METTL15: variants seen among roughly 807,000 people sequenced by gnomAD.
METTL15 encodes the protein methyltransferase 15, mitochondrial 12S rRNA N4-cytidine.
In METTL15, 34 loss-of-function variants were observed where a neutral mutation model predicts 38.3. The observed-to-expected ratio is 0.89, with a 90% CI of 0.68 to 1.18. The LOEUF is 1.18. Ranked by LOEUF, METTL15 falls within the 50% of genes most tolerant of loss-of-function variation. METTL15 has a pLI of 0.00. For synonymous variants in METTL15, 162 were observed against 170.9 expected (o/e 0.95, Z 0.41); for missense variants, 438 against 498.4 (o/e 0.88, Z 1.15).
intron 4 of METTL15, among the ~76,000 whole-genome samples, chr11:28,287,960 C>A (rs1469155658): frequency 6.6e-6 from 1 of 152,082 alleles, no homozygotes; most frequent in Non-Finnish European, 1.5e-5. Context: ...TGTGACCCTG[C>A]ATGGCAAGTA....
chr11:28,496,337 G>A (rs1367555299), intron 6 of METTL15, among the ~76,000 whole-genome samples: 1 of 152,126 alleles, frequency 6.6e-6, no homozygotes, highest in Non-Finnish European at 1.5e-5. Context: ...ACAGTATGTG[G>A]GAACCACCCC....
chr11:28,382,205 A>G (rs1330639294), intron 5 of METTL15, among the ~76,000 whole-genome samples: 1 of 152,194 alleles, frequency 6.6e-6, no homozygotes, highest in Non-Finnish European at 1.5e-5. Flanking sequence ...CTGAGGGAAC[A>G]TGTCGAGCAA....
At chr11:28,182,958 G>A (rs566001132) in intron 3 of METTL15, among the ~76,000 whole-genome samples, 1 of 151,796 alleles carries the variant, frequency 6.6e-6, no homozygotes, top group Admixed American at 6.6e-5. Context: ...TTTCTCCTTG[G>A]AAGAGGTGCT....
intron 3 of METTL15, among the ~76,000 whole-genome samples, chr11:28,147,914 CTCTA>C (rs1361529923): frequency 6.6e-6 from 1 of 151,758 alleles, no homozygotes; most frequent in Non-Finnish European, 1.5e-5. Context: ...GAGTTTAATG[CTCTA>C]TCTAACTTTG....
At chr11:28,393,740 C>T (rs2133396310) in intron 5 of METTL15, among the ~76,000 whole-genome samples, 1 of 152,196 alleles carries the variant, frequency 6.6e-6, no homozygotes, top group East Asian at 1.9e-4. Flanking sequence ...ATTACTTCTT[C>T]AGTACTCTTT....
At chr11:28,428,276 A>G (rs1476316069) in intron 6 of METTL15, among the ~76,000 whole-genome samples, 1 of 152,196 alleles carries the variant, frequency 6.6e-6, no homozygotes, top group Non-Finnish European at 1.5e-5. Context: ...TTATAACACA[A>G]TGGTAAGTAT....
intron 3 of METTL15, among the ~76,000 whole-genome samples, chr11:28,124,183 A>G (rs939248738): frequency 1.3e-5 from 2 of 152,154 alleles, no homozygotes; most frequent in African/African-American, 4.8e-5. Flanking sequence ...CAGGTTATAC[A>G]GTATGCTTTT....
chr11:28,316,985 A>C (rs147211150), intron 6 of METTL15, among the ~76,000 whole-genome samples: 67 of 152,342 alleles, frequency 4.4e-4, no homozygotes, highest in African/African-American at 1.5e-3. Flanking sequence ...AAATGGACTA[A>C]TACAGTAGTA....
intron 4 of METTL15, among the ~76,000 whole-genome samples, chr11:28,232,213 C>A (rs1025075472): frequency 2.8e-4 from 43 of 151,926 alleles, no homozygotes; most frequent in African/African-American, 9.9e-4. Context: ...AAGTGATAAA[C>A]CCTGATTAGA....
chr11:28,311,227 CAGTG>C (rs935525888), intron 6 of METTL15, among the ~76,000 whole-genome samples: 1 of 151,932 alleles, frequency 6.6e-6, no homozygotes, highest in African/African-American at 2.4e-5. Flanking sequence ...TTCTCTTTCT[CAGTG>C]AGAGAAACAG....
At chr11:28,171,971 A>AT (rs998172961) in intron 3 of METTL15, among the ~76,000 whole-genome samples, 63 of 149,762 alleles carry the variant, frequency 4.2e-4, no homozygotes, top group Middle Eastern at 3.4e-3. Context: ...GTCTTGAAAA[A>AT]TTTTTTTTTT....
intron 2 of METTL15, 39 bp from the exon 3 acceptor site, chr11:28,113,279 A>T: frequency 2.2e-6 from 3 of 1,353,388 alleles, no homozygotes; most frequent in Non-Finnish European, 3.0e-6. Flanking sequence ...ACATTCTTTT[A>T]AAAAAATCCA....
At chr11:28,135,840 A>G (rs1267816516) in intron 3 of METTL15, among the ~76,000 whole-genome samples, 1 of 152,226 alleles carries the variant, frequency 6.6e-6, no homozygotes, top group Non-Finnish European at 1.5e-5. Context: ...CCTTGACTCT[A>G]AAAACAAAAC....
rs561280283 is a variant in METTL15, at chr11:28,408,827, G to T, written c.*359-15472G>T. Among the ~76,000 whole-genome samples, 8 of 152,178 alleles carry T rather than the reference G, an allele frequency of 5.3e-5. No individual in the cohort carries two copies. In the South Asian group the frequency reaches 1.7e-3, roughly 32 times the overall value. On this transcript the variant is annotated intron_variant and NMD_transcript_variant, in intron 5 of 7. Transcript: ENST00000532947. Reference sequence around the variant, plus strand: ...GAAGTAAATACCTTAAATTGATCAGGTATGTATCTCTGAGCAAACTAAGTT... The same window carrying T: ...GAAGTAAATACCTTAAATTGATCAGTTATGTATCTCTGAGCAAACTAAGTT...
chr11:28,453,648 A>T (rs1564935590), intron 6 of METTL15, among the ~76,000 whole-genome samples: 1 of 152,208 alleles, frequency 6.6e-6, no homozygotes, highest in Non-Finnish European at 1.5e-5. Flanking sequence ...ATCACTTCTA[A>T]CTACGTAATC....
chr11:28,323,566 G>C (rs928092359), intron 6 of METTL15, among the ~76,000 whole-genome samples: 6 of 152,130 alleles, frequency 3.9e-5, no homozygotes, highest in African/African-American at 1.4e-4. Flanking sequence ...AAAGGACTTA[G>C]GCAGGACCAT....
chr11:28,226,761 A>G (rs1344637070), intron 4 of METTL15, among the ~76,000 whole-genome samples: 2 of 151,950 alleles, frequency 1.3e-5, no homozygotes, highest in African/African-American at 2.4e-5. Flanking sequence ...TAAAAATCTT[A>G]TAAAAGAATA....
At chr11:28,354,983 A>C (rs1407066015) in intron 4 of METTL15, among the ~76,000 whole-genome samples, 4 of 152,168 alleles carry the variant, frequency 2.6e-5, no homozygotes, top group South Asian at 2.1e-4. Flanking sequence ...CTTAACAAAG[A>C]AATAATGAGA....
chr11:28,110,853 A>G lies in METTL15; in HGVS notation c.-18+452A>G, dbSNP rs192582015. On this transcript the variant is annotated intron_variant, in intron 2 of 6. Transcript: ENST00000407364. ...TTATGCTCTCAACAGCCAAAAGTGAACTTTGCTTGTAGAGAAAAGTTAAAT... is the reference window on the plus strand; with the variant it reads ...TTATGCTCTCAACAGCCAAAAGTGAGCTTTGCTTGTAGAGAAAAGTTAAAT... Among the ~76,000 whole-genome samples, 23 of 152,280 alleles carry G rather than the reference A, an allele frequency of 1.5e-4. No individual in the cohort carries two copies. In the East Asian group the frequency reaches 4.1e-3, roughly 27 times the overall value.
Sources: allele counts gnomAD v4.1 joint callset (sites outside exome capture counted in the v4.1 genomes callset), GRCh38; gene constraint gnomAD v4.1.1; transcripts MANE v1.5; gene names NCBI Gene and HGNC (gene_info 2026-07-23, HGNC 2026-07-21).